The following DNAJC10 variants were observed in gnomAD, a reference collection of about 807,000 sequenced individuals.
The protein encoded by DNAJC10 is DnaJ heat shock protein family (Hsp40) member C10, also known as endoplasmic reticulum disulfide reductase DNAJC10.
Under a neutral mutation model 115.0 loss-of-function variants are expected in DNAJC10, and 101 were observed. That is an observed-to-expected ratio of 0.88 (90% CI 0.75 to 1.04). The LOEUF (loss-of-function observed/expected upper bound fraction) is 1.04. DNAJC10 is among the 50% of genes least tolerant of loss of function. The pLI, the probability that DNAJC10 is intolerant of heterozygous loss-of-function variation, is 0.00. For missense variants in DNAJC10, 981 were observed against 928.8 expected (o/e 1.06, Z -0.73); for synonymous variants, 307 against 301.5 (o/e 1.02, Z -0.19).
intron 13 of DNAJC10, among the ~76,000 whole-genome samples, chr2:182,742,335 G>A (rs551165092): frequency 1.4e-3 from 207 of 152,184 alleles, no homozygotes; most frequent in Middle Eastern, 3.4e-3. Flanking sequence ...GACTACAGGC[G>A]CATGCCACCA....
chr2:182,786,215 C>T lies in DNAJC10; in HGVS notation c.*9083C>T, dbSNP rs917496395. ...CAAATGACAAGTGTATAATCAACTG[C>T]CAGGAAATCAGTTTACCTGTTAGAG... is the stretch of plus-strand genomic sequence containing the variant. On this transcript the variant is annotated 3_prime_UTR_variant, in exon 24 of 24. Transcript: ENST00000264065. 2 of 151,950 alleles carry T rather than the reference C, an allele frequency of 1.3e-5. No individual in the cohort carries two copies. The highest frequency in any genetic ancestry group is 4.8e-5 in the African/African-American group (2 of 41,352). The allele number at this position is 151,950 out of a possible 1,614,324, so 9.4% of individuals were successfully genotyped here.
rs2105656534 is a variant in DNAJC10, at chr2:182,746,535, T to G, written c.1306+2823T>G. 2.6e-5 allele frequency among the ~76,000 whole-genome samples: 4 copies of G among 152,338 alleles called. No individual in the cohort carries two copies. In the East Asian group the frequency reaches 7.7e-4, roughly 29 times the overall value. ...TTTTTGGCTGCATAAATGTCTTCTT[T>G]TGAGAAGTGTCTGTTCATGTCCTTC... On this transcript the variant is annotated intron_variant, in intron 14 of 23. Transcript: ENST00000264065.
chr2:182,728,929 A>G lies in DNAJC10; in HGVS notation c.568A>G (p.Arg190Gly). 1.2e-6 allele frequency: 2 copies of G among 1,614,078 alleles called. No individual in the cohort carries two copies. Among genetic ancestry groups the G allele is most frequent in the Non-Finnish European group, 1.7e-6 (2 of 1,179,950 alleles). The change falls in exon 7 of 24, where the codon AGA becomes GGA. Residue 190 changes from arginine to glycine, a missense_variant. By Grantham distance (125) the Arg-to-Gly change is moderately radical. Transcript: ENST00000264065. ...RIGAVNCGDD[R>G]MLCRMKGVNS... Reference sequence around the variant, plus strand: ...TGGAGCTGTTAACTGTGGTGATGATAGAATGCTTTGCCGAATGAAAGGAGT... The same window carrying G: ...TGGAGCTGTTAACTGTGGTGATGATGGAATGCTTTGCCGAATGAAAGGAGT...
At chr2:182,741,612 A>C (rs1293490004) in intron 13 of DNAJC10, among the ~76,000 whole-genome samples, 1 of 152,154 alleles carries the variant, frequency 6.6e-6, no homozygotes, top group African/African-American at 2.4e-5. Flanking sequence ...TGCATACTGT[A>C]GGAGGTTATC....
Position 182,759,236 on chromosome 2 carries a change from G to T in DNAJC10, c.2074G>T (p.Val692Leu). Residue 692 changes from valine to leucine, a missense_variant, in exon 21 of 24, where the codon GTG becomes TTG. By Grantham distance (32) the Val-to-Leu change is conservative. Transcript: ENST00000264065. The part of the protein sequence containing the change: ...EKVLQGKNHW[V>L]IDFYAPWCGP... ...AGTTCTACAAGGGAAAAATCATTGG[G>T]TGATTGATTTCTATGCTCCTTGGTG... 1.2e-6 allele frequency: 2 copies of T among 1,611,092 alleles called. No individual in the cohort carries two copies. Among genetic ancestry groups the T allele is most frequent in the Admixed American group, 3.4e-5 (2 of 59,258 alleles).
Position 182,740,027 on chromosome 2 carries a change from A to T in DNAJC10, c.988-272A>T, listed in dbSNP as rs1372832554. On this transcript the variant is annotated intron_variant, in intron 11 of 23. Coordinates refer to ENST00000264065, the MANE Select transcript of DNAJC10 (RefSeq NM_018981.4). ...TTCTGAGCATTTTTATAGAATACAC[A>T]TCATAGTTAATTAAAAATTCCAGTT... is the stretch of plus-strand genomic sequence containing the variant. The T allele has an allele frequency of 4.8e-6, 5 of 1,032,064 alleles. No individual in the cohort carries two copies. In the African/African-American group the frequency reaches 6.9e-5, roughly 14 times the overall value. 63.9% of individuals were successfully genotyped at this position (1,032,064 alleles called of 1,614,324 possible).
At chr2:182,725,358 G>A (rs1415287487) in intron 5 of DNAJC10, among the ~76,000 whole-genome samples, 1 of 152,154 alleles carries the variant, frequency 6.6e-6, no homozygotes, top group Non-Finnish European at 1.5e-5. Flanking sequence ...TCAGAAGCTA[G>A]AAATGATTAA....
Position 182,732,273 on chromosome 2 carries a change from T to A in DNAJC10, c.806-226T>A, listed in dbSNP as rs544633778. 3.3e-5 allele frequency among the ~76,000 whole-genome samples: 5 copies of A among 151,872 alleles called. 1 individual carries two copies. Among genetic ancestry groups the A allele is most frequent in the Admixed American group, 3.3e-4 (5 of 15,238 alleles). ...TCTCTGTAGCTAGACATCCTAGAAATTAAAGGGAGAGAATGAAAGAAAGAG... is the reference window on the plus strand; with the variant it reads ...TCTCTGTAGCTAGACATCCTAGAAAATAAAGGGAGAGAATGAAAGAAAGAG... On this transcript the variant is annotated intron_variant, in intron 9 of 23. Coordinates refer to ENST00000264065, the MANE Select transcript of DNAJC10 (RefSeq NM_018981.4).
rs1463390840 is a variant in DNAJC10, at chr2:182,780,608, T to G, written c.*3476T>G. 1 of 152,190 alleles carries G rather than the reference T, an allele frequency of 6.6e-6. No homozygotes were observed. Among genetic ancestry groups the G allele is most frequent in the African/African-American group, 2.4e-5 (1 of 41,462 alleles). The allele number at this position is 152,190 out of a possible 1,614,324, so 9.4% of individuals were successfully genotyped here. ...TTCTTTTCAGTAAGAATTACAAAATTTAGGCCAATGACCAAGCTGAGTATA... is the reference window on the plus strand; with the variant it reads ...TTCTTTTCAGTAAGAATTACAAAATGTAGGCCAATGACCAAGCTGAGTATA... On this transcript the variant is annotated 3_prime_UTR_variant, in exon 24 of 24. Transcript: ENST00000264065.
chr2:182,717,286 AC>A lies in DNAJC10; in HGVS notation c.-147+215del, dbSNP rs200228160. ...CTCTTTTTGTGTTTTGTTTCTACTT[AC>A]ACCAAACATGAACTTTGCAATAAAA... On this transcript the variant is annotated intron_variant, in intron 2 of 23. Coordinates refer to ENST00000264065, the MANE Select transcript of DNAJC10 (RefSeq NM_018981.4). 4.9e-3 allele frequency among the ~76,000 whole-genome samples: 739 copies of A among 152,328 alleles called. 12 individuals are homozygous for A. The highest frequency in any genetic ancestry group is 0.017 in the African/African-American group (713 of 41,566).
At chr2:182,773,776 T>C (rs925849749) in intron 22 of DNAJC10, among the ~76,000 whole-genome samples, 1 of 152,232 alleles carries the variant, frequency 6.6e-6, no homozygotes, top group Non-Finnish European at 1.5e-5. Context: ...GGTTCAAACA[T>C]CCTTCTTTAG....
intron 17 of DNAJC10, 81 bp from the exon 18 acceptor site, chr2:182,756,233 A>T (rs974381314): frequency 8.3e-7 from 1 of 1,203,478 alleles, no homozygotes; most frequent in Non-Finnish European, 1.1e-6. Flanking sequence ...GAGATACTCA[A>T]CCTGTACCAA....
chr2:182,734,779 T>C (rs1693544820), intron 10 of DNAJC10, among the ~76,000 whole-genome samples: 1 of 151,830 alleles, frequency 6.6e-6, no homozygotes, highest in Non-Finnish European at 1.5e-5. Flanking sequence ...TATGTTTTCT[T>C]GGTGATTTGA....
intron 14 of DNAJC10, among the ~76,000 whole-genome samples, chr2:182,747,678 G>GA (rs1254517857): frequency 6.6e-6 from 1 of 151,564 alleles, no homozygotes; most frequent in East Asian, 1.9e-4. Context: ...TCTGCAAACA[G>GA]GGACAATTTG....
Position 182,730,047 on chromosome 2 carries a change from G to C in DNAJC10, c.727+106G>C, listed in dbSNP as rs974430261. The stretch of plus-strand genomic sequence containing the variant: ...TTGGTCATGGTATTGAAATTTTAAA[G>C]TGTCTTTTCCATGTTTCTTAGAAGG... On this transcript the variant is annotated intron_variant, in intron 8 of 23. Coordinates refer to ENST00000264065, the MANE Select transcript of DNAJC10 (RefSeq NM_018981.4). 3 of 682,370 alleles carry C rather than the reference G, an allele frequency of 4.4e-6. No homozygotes were observed. The African/African-American group carries it at 5.5e-5, about 13-fold the overall frequency. The allele number at this position is 682,370 out of a possible 1,614,324, so 42.3% of individuals were successfully genotyped here. A position where few individuals can be genotyped will look rare whatever the true frequency, so the allele number is the denominator to read the frequency against.
Position 182,720,105 on chromosome 2 carries a change from A to C in DNAJC10, c.303A>C (p.Glu101Asp), listed in dbSNP as rs774550749. 6.2e-7 allele frequency: 1 copy of C among 1,612,480 alleles called. No individual in the cohort carries two copies. Among genetic ancestry groups the C allele is most frequent in the East Asian group, 2.2e-5 (1 of 44,720 alleles). Reference protein sequence around the residue: ...DLRKKYDKYGEKGLEDNQGGQ... With the variant: ...DLRKKYDKYGDKGLEDNQGGQ... ...GGAAAAAGTATGACAAATATGGAGAAAAGGGACTTGAGGATAATCAAGGTG... is the reference window on the plus strand; with the variant it reads ...GGAAAAAGTATGACAAATATGGAGACAAGGGACTTGAGGATAATCAAGGTG... The change falls in exon 4 of 24, where the codon GAA (glutamate) becomes GAC (aspartate). Residue 101 changes from glutamate to aspartate, a missense_variant. Transcript: ENST00000264065.
chr2:182,772,710 CTTTAT>C (rs1694599833), intron 22 of DNAJC10, among the ~76,000 whole-genome samples: 1 of 152,050 alleles, frequency 6.6e-6, no homozygotes, highest in South Asian at 2.1e-4. Flanking sequence ...TCCTCCATCC[CTTTAT>C]TTTGAGCCTG....
chr2:182,788,942 A>C lies in DNAJC10; in HGVS notation c.*11810A>C, dbSNP rs189620197. 54 of 398,354 alleles carry C rather than the reference A, an allele frequency of 1.4e-4. No individual in the cohort carries two copies. The Admixed American group carries it at 1.6e-3, about 12-fold the overall frequency. The allele number at this position is 398,354 out of a possible 1,614,324, so 24.7% of individuals were successfully genotyped here. On this transcript the variant is annotated 3_prime_UTR_variant, in exon 24 of 24. Coordinates refer to ENST00000264065, the MANE Select transcript of DNAJC10 (RefSeq NM_018981.4). The stretch of plus-strand genomic sequence containing the variant: ...TAAAGTACATGTAACAAAATTTATT[A>C]ATCATTTTAAAGTAGCATACAGTTC...
At chr2:182,755,505 A>AG (rs1338444945) in intron 17 of DNAJC10, among the ~76,000 whole-genome samples, 3 of 151,358 alleles carry the variant, frequency 2.0e-5, no homozygotes, top group African/African-American at 7.3e-5. Flanking sequence ...AAAAAAAAAA[A>AG]GAAAATTTCT....
Sources: gnomAD v4.1 joint callset for allele counts (sites outside exome capture counted in the v4.1 genomes callset) on GRCh38, gnomAD v4.1.1 for gene constraint, MANE v1.5 for transcripts, NCBI Gene and HGNC (gene_info 2026-07-23, HGNC 2026-07-21) for gene names.